SLC8A2: variants seen among roughly 807,000 people sequenced by gnomAD.
The protein encoded by SLC8A2 is sodium/calcium exchanger 2.
A neutral mutation model predicts 70.2 loss-of-function variants in SLC8A2; 14 were observed. That is an observed-to-expected ratio of 0.20 (90% CI 0.13 to 0.31). SLC8A2 has a LOEUF of 0.31. Ranked by LOEUF, SLC8A2 falls within the 10% of genes least tolerant of loss-of-function variation. SLC8A2 has a pLI of 1.00. For synonymous variants in SLC8A2, 575 were observed against 594.3 expected (o/e 0.97, Z 0.47); for missense variants, 779 against 1,320.1 (o/e 0.59, Z 6.35).
intron 4 of SLC8A2, among the ~76,000 whole-genome samples, chr19:47,446,427 C>A: frequency 6.6e-6 from 1 of 152,064 alleles, no homozygotes; most frequent in Non-Finnish European, 1.5e-5. Context: ...TGTGTGTCTG[C>A]GTGTTTTTTT....
rs1248766613 is a variant in SLC8A2 at position 47,447,970 on chromosome 19, C to A, written c.1602G>T (p.Val534=). Residue 534 remains valine (V), a synonymous_variant, in exon 4 of 10, where the codon GTG becomes GTT. Coordinates refer to ENST00000236877, the MANE Select transcript of SLC8A2 (RefSeq NM_015063.3). The surrounding 1 kb of genome is among the most constrained non-coding windows in gnomAD (Gnocchi z 5.1). The part of the protein sequence containing the change: ...IFSFQDRLLH[V]SECMGTVDVR... ...CGTCCACGGTGCCCATGCACTCGCT[C>A]ACGTGCAGCAGGCGGTCCTGGAAGG... 11 of 1,561,274 alleles carry A rather than the reference C, an allele frequency of 7.0e-6. No homozygotes were observed. The highest frequency in any genetic ancestry group is 9.5e-6 in the Non-Finnish European group (11 of 1,152,808).
chr19:47,447,694 A>G lies in SLC8A2; in HGVS notation c.1763+115T>C. On this transcript the variant is annotated intron_variant, in intron 4 of 9. Coordinates refer to ENST00000236877, the MANE Select transcript of SLC8A2 (RefSeq NM_015063.3). This position sits in a 1 kb window ranked among gnomAD's most constrained non-coding sequence, Gnocchi z 5.1. ...CAGGCCCCTCCCCTCCCGAGGCCCA[A>G]CCAAGACCCGCCCACTATGTGGGCA... The G allele has an allele frequency of 2.5e-6, 3 of 1,181,116 alleles. No homozygotes were observed. Among genetic ancestry groups the G allele is most frequent in the South Asian group, 1.7e-5 (1 of 59,684 alleles). The allele number at this position is 1,181,116 out of a possible 1,614,324, so 73.2% of individuals were successfully genotyped here. A position where few individuals can be genotyped will look rare whatever the true frequency, so the allele number is the denominator to read the frequency against.
chr19:47,457,194 C>T lies in SLC8A2; in HGVS notation c.1076G>A (p.Arg359Gln), dbSNP rs1243398245. 2.6e-6 allele frequency: 4 copies of T among 1,545,566 alleles called. No individual in the cohort carries two copies. Among genetic ancestry groups the T allele is most frequent in the South Asian group, 1.2e-5 (1 of 83,370 alleles). Residue 359 changes from arginine (R) to glutamine (Q), a missense_variant, in exon 3 of 10, where the codon CGG becomes CAG. Physicochemically the swap from Arg to Gln is conservative, Grantham distance 43 (BLOSUM62 1). Transcript: ENST00000236877. ...CACGTTCCCGGCGCCGGTCATCAGC[C>T]GCGTGGCCTGGATGCGGTAGAAGGC... ...SRAFYRIQAT[R>Q]LMTGAGNVLR...
At position 47,468,304 on chromosome 19, in the gene SLC8A2, T is replaced by C. The variant is rs557327633; in HGVS notation, c.-16-1885A>G. On this transcript the variant is annotated intron_variant, in intron 1 of 9. Coordinates refer to ENST00000236877, the MANE Select transcript of SLC8A2 (RefSeq NM_015063.3). The surrounding 1 kb of genome is among the most constrained non-coding windows in gnomAD (Gnocchi z 5.1). Reference sequence around the variant, plus strand: ...CCTTCCTCGAACACGCTTCTCTATTTATGTATTTTTGAGACGGGATCTCAC... The same window carrying C: ...CCTTCCTCGAACACGCTTCTCTATTCATGTATTTTTGAGACGGGATCTCAC... Among the ~76,000 whole-genome samples, 1 of 152,140 alleles carries C rather than the reference T, an allele frequency of 6.6e-6. No individual in the cohort carries two copies. The highest frequency in any genetic ancestry group is 2.1e-4 in the South Asian group (1 of 4,812).
chr19:47,437,521 A>C lies in SLC8A2; in HGVS notation c.2051T>G (p.Leu684Trp). ...CCTCCATGAATGGGTCCCAATTACC[A>C]AGGCCAAGTTCGTTTTCTTGATGAG... is the stretch of plus-strand genomic sequence containing the variant. ...DKLIKKTNLA[L>W]VIGTHSWREQ... Residue 684 changes from leucine to tryptophan, a missense_variant, in exon 8 of 10, where the codon TTG (leucine) becomes TGG (tryptophan). Leu to Trp is a moderately conservative substitution (Grantham distance 61). This residue lies in a region of SLC8A2 where 247 missense variants were observed against 362.8 expected (regional missense o/e 0.68). Transcript: ENST00000236877. The C allele has an allele frequency of 6.2e-7, 1 of 1,613,838 alleles. No individual in the cohort carries two copies. The highest frequency in any genetic ancestry group is 8.5e-7 in the Non-Finnish European group (1 of 1,179,904).
rs1013891740 is a variant in SLC8A2 at position 47,448,294 on chromosome 19, G to C, written c.1341-63C>G. On this transcript the variant is annotated intron_variant, in intron 3 of 9. Transcript: ENST00000236877. This position sits in a 1 kb window ranked among gnomAD's most constrained non-coding sequence, Gnocchi z 4.8. ...GTCGGTCATCGGCTGTGTGTTGTACGGGGGGAGTCTGGACGTGCTTCCCAG... is the reference window on the plus strand; with the variant it reads ...GTCGGTCATCGGCTGTGTGTTGTACCGGGGGAGTCTGGACGTGCTTCCCAG... 10 of 1,304,802 alleles carry C rather than the reference G, an allele frequency of 7.7e-6. No individual in the cohort carries two copies. The highest frequency in any genetic ancestry group is 1.1e-5 in the Non-Finnish European group (10 of 941,764). The allele number at this position is 1,304,802 out of a possible 1,614,324, so 80.8% of individuals were successfully genotyped here.
intron 4 of SLC8A2, among the ~76,000 whole-genome samples, chr19:47,444,743 C>A (rs1475049406): frequency 6.6e-6 from 1 of 152,214 alleles, no homozygotes; most frequent in African/African-American, 2.4e-5. Flanking sequence ...AGAAACCCAA[C>A]GCGCAGGAAA....
chr19:47,437,886 C>A lies in SLC8A2; in HGVS notation c.1973G>T (p.Arg658Leu). ...TGACTCCTCGATGATGACCTCCAGC[C>A]GGCAGTTCTCCCCAAGAACTGGCTT... ...MGKPVLGENC[R>L]LEVIIEESYD... The change falls in exon 7 of 10, where the codon CGG becomes CTG. Residue 658 changes from arginine (R) to leucine (L), a missense_variant. Physicochemically the swap from Arg to Leu is moderately radical, Grantham distance 102 (BLOSUM62 -2). Transcript: ENST00000236877. 2 of 1,614,074 alleles carry A rather than the reference C, an allele frequency of 1.2e-6. No homozygotes were observed. The highest frequency in any genetic ancestry group is 1.7e-6 in the Non-Finnish European group (2 of 1,179,992).
Position 47,429,963 on chromosome 19 carries a change from GA to G in SLC8A2, c.*125del. Reference sequence around the variant, plus strand: ...AATCAAAGCCAGGGGAGGGGGCGGAGAAGGGAGGCCGAGTCCCAGGAGAGGA... The same window carrying G: ...AATCAAAGCCAGGGGAGGGGGCGGAGAGGGAGGCCGAGTCCCAGGAGAGGA... On this transcript the variant is annotated 3_prime_UTR_variant, in exon 10 of 10. Transcript: ENST00000236877. 1.1e-6 allele frequency: 1 copy of G among 936,126 alleles called. No individual in the cohort carries two copies. Among genetic ancestry groups the G allele is most frequent in the Non-Finnish European group, 1.6e-6 (1 of 637,610 alleles). 58.0% of individuals were successfully genotyped at this position (936,126 alleles called of 1,614,324 possible). A position where few individuals can be genotyped will look rare whatever the true frequency, so the allele number is the denominator to read the frequency against.
chr19:47,463,919 C>T (rs151195324), intron 2 of SLC8A2, among the ~76,000 whole-genome samples: 12 of 152,186 alleles, frequency 7.9e-5, no homozygotes, highest in Middle Eastern at 3.4e-3. Flanking sequence ...AAACTGAGGC[C>T]TGGAGAAGAT....
chr19:47,466,186 A>G lies in SLC8A2; in HGVS notation c.218T>C (p.Val73Ala), dbSNP rs757798257. The change falls in exon 2 of 10, where the codon GTG becomes GCG. Residue 73 changes from valine to alanine, a missense_variant. Val to Ala is a moderately conservative substitution (Grantham distance 64, BLOSUM62 0). Around this residue, in one of 6 missense-constraint regions of SLC8A2, gnomAD observed 155 missense variants for 318.6 expected, o/e 0.49. Transcript: ENST00000236877. This position sits in a 1 kb window ranked among gnomAD's most constrained non-coding sequence, Gnocchi z 6.9. ...PSLGDKAARA[V>A]VYFVAMVYMF... ...GTAGACCATGGCCACAAAGTACACC[A>G]CTGCCCGTGCCGCCTTGTCACCCAG... 2 of 1,613,726 alleles carry G rather than the reference A, an allele frequency of 1.2e-6. No homozygotes were observed. The highest frequency in any genetic ancestry group is 1.3e-5 in the African/African-American group (1 of 75,058).
intron 4 of SLC8A2, among the ~76,000 whole-genome samples, chr19:47,446,147 G>A (rs1342900016): frequency 2.0e-5 from 3 of 152,198 alleles, no homozygotes; most frequent in Non-Finnish European, 4.4e-5. Context: ...GAGGCTGGGA[G>A]GAGGAGGGAG....
chr19:47,451,715 C>A (rs551547908), intron 3 of SLC8A2, among the ~76,000 whole-genome samples: 1 of 152,314 alleles, frequency 6.6e-6, no homozygotes, highest in East Asian at 1.9e-4. Flanking sequence ...CATGTTCCTC[C>A]TGATACAATG....
chr19:47,457,841 C>CT lies in SLC8A2; in HGVS notation c.676-248dup, dbSNP rs1313141198. On this transcript the variant is annotated intron_variant, in intron 2 of 9. Transcript: ENST00000236877. Reference sequence around the variant, plus strand: ...TCTTTCTCTCTCTCTTTCTTTCTTTCTTTTTTTTTTTATTTGAGACAGAGT... The same window carrying CT: ...TCTTTCTCTCTCTCTTTCTTTCTTTCTTTTTTTTTTTTATTTGAGACAGAGT... 2.9e-3 allele frequency among the ~76,000 whole-genome samples: 362 copies of CT among 123,114 alleles called. 4 individuals carry two copies. Among genetic ancestry groups the CT allele is most frequent in the Admixed American group, 0.015 (182 of 11,946 alleles). The allele number at this position is 123,114 out of a possible 152,430, so 80.8% of individuals were successfully genotyped here. A position where few individuals can be genotyped will look rare whatever the true frequency, so the allele number is the denominator to read the frequency against.
In SLC8A2 at chr19:47,466,836, G is replaced by A. The variant is rs749250982; in HGVS notation, c.-16-417C>T. ...AATCCCTGAACTTTGGGAGGCTGAG[G>A]TGGGTGGATCAGGAGTTTGAGACCA... On this transcript the variant is annotated intron_variant, in intron 1 of 9. Transcript: ENST00000236877. The surrounding 1 kb of genome is among the most constrained non-coding windows in gnomAD (Gnocchi z 6.9). 3.9e-5 allele frequency among the ~76,000 whole-genome samples: 6 copies of A among 152,108 alleles called. No homozygotes were observed. Among genetic ancestry groups the A allele is most frequent in the Non-Finnish European group, 5.9e-5 (4 of 68,034 alleles).
At chr19:47,453,266 G>A (rs974442755) in intron 3 of SLC8A2, among the ~76,000 whole-genome samples, 1 of 152,206 alleles carries the variant, frequency 6.6e-6, no homozygotes, top group East Asian at 1.9e-4. Context: ...CCATAAGTCA[G>A]AAAACTCTTA....
chr19:47,447,689 G>C lies in SLC8A2; in HGVS notation c.1763+120C>G. 1.8e-6 allele frequency: 2 copies of C among 1,095,144 alleles called. No homozygotes were observed. The highest frequency in any genetic ancestry group is 2.5e-6 in the Non-Finnish European group (2 of 812,054). 67.8% of individuals were successfully genotyped at this position (1,095,144 alleles called of 1,614,324 possible). A position where few individuals can be genotyped will look rare whatever the true frequency, so the allele number is the denominator to read the frequency against. On this transcript the variant is annotated intron_variant, in intron 4 of 9. Transcript: ENST00000236877. The surrounding 1 kb of genome is among the most constrained non-coding windows in gnomAD (Gnocchi z 5.1). ...CCACGCAGGCCCCTCCCCTCCCGAG[G>C]CCCAACCAAGACCCGCCCACTATGT...
intron 8 of SLC8A2, among the ~76,000 whole-genome samples, chr19:47,434,908 C>T (rs1435338840): frequency 6.6e-6 from 1 of 152,126 alleles, no homozygotes; most frequent in Non-Finnish European, 1.5e-5. Flanking sequence ...ATGCCTGGCA[C>T]TCAAGACACG....
At chr19:47,452,402 G>T (rs1967247341) in intron 3 of SLC8A2, among the ~76,000 whole-genome samples, 15 of 34,746 alleles carry the variant, frequency 4.3e-4, no homozygotes, top group African/African-American at 1.4e-3. Context: ...TATATGGAGA[G>T]AGAGAGAGAG....
Sources: gnomAD v4.1 joint callset for allele counts (sites outside exome capture counted in the v4.1 genomes callset) on GRCh38, gnomAD v4.1.1 for gene constraint, gnomAD v4.1.1 regional missense constraint, Gnocchi (gnomAD v3.1) non-coding constraint, MANE v1.5 for transcripts, NCBI Gene and HGNC (gene_info 2026-07-23, HGNC 2026-07-21) for gene names.